Variants in KDM3B observed in about 807,000 individuals in gnomAD.
KDM3B encodes lysine-specific demethylase 3B.
In KDM3B, 10 loss-of-function variants were observed where a neutral mutation model predicts 170.0. The ratio of observed to expected loss-of-function variants is 0.06; its 90% CI spans 0.04 to 0.10. KDM3B has a LOEUF of 0.10. KDM3B is among the 10% of genes least tolerant of loss of function. KDM3B has a pLI of 1.00. For synonymous variants in KDM3B, 831 were observed against 834.8 expected (o/e 1.00, Z 0.08); for missense variants, 1,394 against 2,195.2 (o/e 0.64, Z 7.29).
chr5:138,430,804 C>G (rs1183979337), intron 22 of KDM3B, among the ~76,000 whole-genome samples: 1 of 152,050 alleles, frequency 6.6e-6, no homozygotes, highest in Non-Finnish European at 1.5e-5. Flanking sequence ...GCAGGAGAAT[C>G]GCTTGAACCC....
intron 3 of KDM3B, among the ~76,000 whole-genome samples, chr5:138,376,495 G>C (rs967563733): frequency 6.6e-6 from 1 of 151,866 alleles, no homozygotes; most frequent in Non-Finnish European, 1.5e-5. Context: ...ATGAGGTCAG[G>C]GGATCGAGAC....
At chr5:138,373,750 G>T (rs1761931063) in intron 2 of KDM3B, among the ~76,000 whole-genome samples, 1 of 152,212 alleles carries the variant, frequency 6.6e-6, no homozygotes, top group South Asian at 2.1e-4. Flanking sequence ...CTCCCAAAGT[G>T]CTGGGATTAT....
intron 9 of KDM3B, among the ~76,000 whole-genome samples, chr5:138,393,699 T>A (rs1347679502): frequency 1.3e-5 from 2 of 152,234 alleles, no homozygotes; most frequent in Non-Finnish European, 2.9e-5. Flanking sequence ...ATTATGGATC[T>A]ACCTGACTGC....
chr5:138,423,936 TA>T, intron 15 of KDM3B, 138 bp from the exon 16 acceptor site: 1 of 765,910 alleles, frequency 1.3e-6, no homozygotes. Context: ...CTTCCAGTTG[TA>T]AAAGACATTT....
intron 11 of KDM3B, among the ~76,000 whole-genome samples, chr5:138,410,582 A>G (rs1221842416): frequency 2.0e-5 from 3 of 152,180 alleles, no homozygotes; most frequent in Non-Finnish European, 2.9e-5. Context: ...AAATAAAGAC[A>G]CAAGACAGAG....
intron 11 of KDM3B, among the ~76,000 whole-genome samples, chr5:138,409,601 A>T (rs1007963090): frequency 2.6e-5 from 4 of 152,238 alleles, no homozygotes; most frequent in African/African-American, 9.6e-5. Flanking sequence ...AAATGAAGAG[A>T]TATACCATAT....
intron 11 of KDM3B, among the ~76,000 whole-genome samples, chr5:138,408,399 AAAAAG>A (rs201748638): frequency 0.014 from 2,166 of 151,336 alleles, 18 homozygotes; most frequent in Admixed American, 0.025. Context: ...TAAAAAAAAA[AAAAAG>A]AAAGAAATTG....
intron 1 of KDM3B, among the ~76,000 whole-genome samples, chr5:138,367,048 G>A (rs1346801091): frequency 2.0e-5 from 3 of 152,270 alleles, no homozygotes; most frequent in East Asian, 3.9e-4. Context: ...CTGCCAGAAG[G>A]ATGCAGCTTG....
At chr5:138,414,897 C>T (rs892919152) in intron 11 of KDM3B, among the ~76,000 whole-genome samples, 2 of 152,206 alleles carry the variant, frequency 1.3e-5, no homozygotes, top group Middle Eastern at 3.4e-3. Context: ...GCGGAGGTTG[C>T]GGTGAGCCAT....
intron 13 of KDM3B, among the ~76,000 whole-genome samples, chr5:138,418,478 T>TTAA (rs1242975565): frequency 6.6e-6 from 1 of 152,184 alleles, no homozygotes; most frequent in East Asian, 1.9e-4. Flanking sequence ...GGCACAGGGA[T>TTAA]TAATGCTGAG....
chr5:138,371,802 C>T (rs529120478), intron 1 of KDM3B, among the ~76,000 whole-genome samples: 3 of 151,894 alleles, frequency 2.0e-5, no homozygotes, highest in East Asian at 3.9e-4. Flanking sequence ...CTATCTCTAC[C>T]GAAATAATTA....
In KDM3B at chr5:138,391,316, G is replaced by A; in HGVS notation, c.1684G>A (p.Glu562Lys). 6.2e-7 allele frequency: 1 copy of A among 1,614,132 alleles called. No individual in the cohort carries two copies. The highest frequency in any genetic ancestry group is 8.5e-7 in the Non-Finnish European group (1 of 1,180,022). ...SSRDSFKQSLESLSSGLCKGR... is the reference protein window; with the variant it reads ...SSRDSFKQSLKSLSSGLCKGR... ...TCGGGACTCATTCAAACAAAGCCTTGAGAGCCTGAGCTCAGGCCTGTGTAA... is the reference window on the plus strand; with the variant it reads ...TCGGGACTCATTCAAACAAAGCCTTAAGAGCCTGAGCTCAGGCCTGTGTAA... The change falls in exon 8 of 24, where the codon GAG becomes AAG. Residue 562 changes from glutamate (E) to lysine (K), a missense_variant. Glu to Lys is a moderately conservative substitution (Grantham distance 56). Around this residue, in one of 19 missense-constraint regions of KDM3B, gnomAD observed 294 missense variants for 311.7 expected, o/e 0.94. Coordinates refer to ENST00000314358, the MANE Select transcript of KDM3B (RefSeq NM_016604.4). The surrounding 1 kb of genome is among the most constrained non-coding windows in gnomAD (Gnocchi z 5.0).
At chr5:138,364,531 G>A (rs1761694914) in intron 1 of KDM3B, among the ~76,000 whole-genome samples, 1 of 151,810 alleles carries the variant, frequency 6.6e-6, no homozygotes, top group Non-Finnish European at 1.5e-5. Context: ...TTATGGTCCA[G>A]AGTGGTATGA....
chr5:138,399,730 G>A, intron 10 of KDM3B, 130 bp from the exon 11 acceptor site: 1 of 725,354 alleles, frequency 1.4e-6, no homozygotes, highest in South Asian at 2.6e-5. Context: ...TACAATTATA[G>A]AAACACAGAC....
chr5:138,423,909 G>A (rs1561794182), intron 15 of KDM3B, among the ~76,000 whole-genome samples, 166 bp from the exon 16 acceptor site: 1 of 152,208 alleles, frequency 6.6e-6, no homozygotes, highest in African/African-American at 2.4e-5. Context: ...AATTTAAGAT[G>A]TTGACTTATT....
intron 20 of KDM3B, among the ~76,000 whole-genome samples, chr5:138,429,398 A>G (rs771504039): frequency 8.5e-5 from 13 of 152,186 alleles, no homozygotes; most frequent in Admixed American, 5.9e-4. Flanking sequence ...ATTATGGTGT[A>G]GGTCATTGTA....
chr5:138,397,937 A>G (rs781421687), intron 9 of KDM3B: 51 of 397,382 alleles, frequency 1.3e-4, no homozygotes, highest in Non-Finnish European at 2.0e-4. Flanking sequence ...CAGGTGTAGA[A>G]CAGGTGAATG....
chr5:138,381,504 C>T lies in KDM3B; in HGVS notation c.706-12C>T, dbSNP rs200487901. 18 of 1,517,312 alleles carry T rather than the reference C, an allele frequency of 1.2e-5. No homozygotes were observed. Among genetic ancestry groups the T allele is most frequent in the Admixed American group, 5.0e-5 (3 of 59,538 alleles). The allele number at this position is 1,517,312 out of a possible 1,614,324, so 94.0% of individuals were successfully genotyped here. A position where few individuals can be genotyped will look rare whatever the true frequency, so the allele number is the denominator to read the frequency against. Reference sequence around the variant, plus strand: ...ACAAGGCATTAAATATCTTTTTCCCCTCCTACTGTAGAGTGGTGAGATCAA... The same window carrying T: ...ACAAGGCATTAAATATCTTTTTCCCTTCCTACTGTAGAGTGGTGAGATCAA... On this transcript the variant is annotated splice_polypyrimidine_tract_variant and intron_variant, in intron 5 of 23. Transcript: ENST00000314358.
chr5:138,398,887 C>CTTTTTTTTTTTTT (rs537795731), intron 10 of KDM3B, among the ~76,000 whole-genome samples: 1 of 120,178 alleles, frequency 8.3e-6, no homozygotes, highest in African/African-American at 3.0e-5. Flanking sequence ...TCCTAAATTT[C>CTTTTTTTTTTTTT]TTTTTTTTTT....
Sources: gnomAD v4.1 joint callset for allele counts (sites outside exome capture counted in the v4.1 genomes callset) on GRCh38, gnomAD v4.1.1 for gene constraint, gnomAD v4.1.1 regional missense constraint, Gnocchi (gnomAD v3.1) non-coding constraint, MANE v1.5 for transcripts, NCBI Gene and HGNC (gene_info 2026-07-23, HGNC 2026-07-21) for gene names.